Variants in ANLN observed in about 807,000 individuals in gnomAD.
ANLN encodes the protein anillin.
Under a neutral mutation model 135.1 loss-of-function variants are expected in ANLN, and 59 were observed. The ratio of observed to expected loss-of-function variants is 0.44; its 90% CI spans 0.35 to 0.54. ANLN has a LOEUF of 0.54. ANLN is among the 20% of genes least tolerant of loss of function. The pLI is 0.00. For missense variants in ANLN, 1,182 were observed against 1,340.0 expected (o/e 0.88, Z 1.84); for synonymous variants, 406 against 456.4 (o/e 0.89, Z 1.41).
chr7:36,419,198 C>T lies in ANLN; in HGVS notation c.1634-46C>T, dbSNP rs368535526. The T allele has an allele frequency of 7.9e-6, 11 of 1,391,576 alleles. 1 individual carries two copies. Among genetic ancestry groups the T allele is most frequent in the Admixed American group, 1.8e-5 (1 of 55,716 alleles). 86.2% of individuals were successfully genotyped at this position (1,391,576 alleles called of 1,614,324 possible). Reference sequence around the variant, plus strand: ...AATTTTCTTTGTTATGCCTTTAATTCTTAAATATCTGAGTCACAGTGTCCA... The same window carrying T: ...AATTTTCTTTGTTATGCCTTTAATTTTTAAATATCTGAGTCACAGTGTCCA... On this transcript the variant is annotated intron_variant, in intron 9 of 23. Transcript: ENST00000265748.
rs1029053821 is a variant in ANLN, at chr7:36,410,704, G to A, written c.1287G>A (p.Gln429=). The A allele has an allele frequency of 6.2e-7, 1 of 1,612,676 alleles. No individual in the cohort carries two copies. The highest frequency in any genetic ancestry group is 1.7e-5 in the Admixed American group (1 of 59,842). ...CCCATTTAGCACAACAGCTCAAGCA[G>A]GTATGGTGTACTGCATTTAACATTA... is the stretch of plus-strand genomic sequence containing the variant. ...STTHLAQQLK[Q]ERQKELACLR... is the part of the protein sequence containing the mutation. Residue 429 remains glutamine (Q), a splice_region_variant and synonymous_variant, in exon 6 of 24, where the codon CAG becomes CAA. Coordinates refer to ENST00000265748, the MANE Select transcript of ANLN (RefSeq NM_018685.5).
At position 36,422,708 on chromosome 7, in the gene ANLN, G is replaced by A. The variant is rs561388525; in HGVS notation, c.2375G>A (p.Ser792Asn). Reference protein sequence around the residue: ...NEGPQRKNKASPQSEFMPSKG... With the variant: ...NEGPQRKNKANPQSEFMPSKG... The stretch of plus-strand genomic sequence containing the variant: ...GGACCTCAGAGGAAGAATAAGGCTA[G>A]TCCCCAAAGTGAATTTATGCCATCC... Residue 792 changes from serine to asparagine, a missense_variant, in exon 14 of 24, where the codon AGT becomes AAT. Ser to Asn is a conservative substitution (Grantham distance 46). Coordinates refer to ENST00000265748, the MANE Select transcript of ANLN (RefSeq NM_018685.5). 6 of 1,612,992 alleles carry A rather than the reference G, an allele frequency of 3.7e-6. No individual in the cohort carries two copies. The East Asian group carries it at 8.9e-5, about 24-fold the overall frequency.
At chr7:36,424,213 A>G (rs1016513320) in intron 15 of ANLN, among the ~76,000 whole-genome samples, 2 of 152,160 alleles carry the variant, frequency 1.3e-5, no homozygotes, top group Admixed American at 1.3e-4. Flanking sequence ...GATTTTTAAC[A>G]TATGCCTTAA....
chr7:36,431,592 TGTGTGTATATATATATATATATATA>T (rs1170952550), intron 20 of ANLN, among the ~76,000 whole-genome samples: 22 of 17,984 alleles, frequency 1.2e-3, no homozygotes, highest in African/African-American at 2.1e-3. Context: ...TGTGTGTGTG[TGTGTGTATATATATATATATATATA>T]ATATATATAT....
chr7:36,403,416 A>T (rs909147033), intron 3 of ANLN: 6 of 152,262 alleles, frequency 3.9e-5, no homozygotes, highest in African/African-American at 1.4e-4. Context: ...ACTGTGAAGG[A>T]TAAGCCAGGA....
intron 19 of ANLN, among the ~76,000 whole-genome samples, chr7:36,426,291 TCTTTA>T (rs1364160954): frequency 6.6e-6 from 1 of 152,162 alleles, no homozygotes; most frequent in Non-Finnish European, 1.5e-5. Flanking sequence ...GTGGCATTAC[TCTTTA>T]CTTCAACTTC....
intron 20 of ANLN, among the ~76,000 whole-genome samples, chr7:36,433,313 T>G (rs1194188472): frequency 2.0e-5 from 3 of 152,196 alleles, no homozygotes; most frequent in African/African-American, 4.8e-5. Flanking sequence ...TCCAGAAATA[T>G]TTTTATATTG....
intron 12 of ANLN, among the ~76,000 whole-genome samples, chr7:36,421,161 G>A (rs1787860444): frequency 6.6e-6 from 1 of 151,538 alleles, no homozygotes; most frequent in South Asian, 2.1e-4. Flanking sequence ...TCTGCCTCCC[G>A]GGTTCAAGCA....
Position 36,406,336 on chromosome 7 carries a change from G to T in ANLN, c.643G>T (p.Asp215Tyr), listed in dbSNP as rs528529344. 1 of 1,614,194 alleles carries T rather than the reference G, an allele frequency of 6.2e-7. No individual in the cohort carries two copies. Among genetic ancestry groups the T allele is most frequent in the Admixed American group, 1.7e-5 (1 of 60,014 alleles). Reference sequence around the variant, plus strand: ...TGCAACTATTTGCTCCTGGGAAGATGATGTAAATCACTCATTTGCAAAACA... The same window carrying T: ...TGCAACTATTTGCTCCTGGGAAGATTATGTAAATCACTCATTTGCAAAACA... Reference protein sequence around the residue: ...LAATICSWEDDVNHSFAKQNS... With the variant: ...LAATICSWEDYVNHSFAKQNS... The change falls in exon 4 of 24, where the codon GAT (aspartate) becomes TAT (tyrosine). Residue 215 changes from aspartate to tyrosine, a missense_variant. Asp to Tyr is a radical substitution (Grantham distance 160, BLOSUM62 -3). This residue lies in a region of ANLN where 1,022 missense variants were observed against 1,134.0 expected (regional missense o/e 0.90). Transcript: ENST00000265748.
chr7:36,440,430 A>T (rs1441859084), intron 21 of ANLN, among the ~76,000 whole-genome samples: 1 of 152,210 alleles, frequency 6.6e-6, no homozygotes, highest in Non-Finnish European at 1.5e-5. Context: ...GCTAGACTGC[A>T]AATGGGTCCA....
In ANLN at chr7:36,426,946, T is replaced by A. The variant is rs771623621; in HGVS notation, c.2801T>A (p.Val934Glu). The A allele has an allele frequency of 6.2e-7, 1 of 1,612,636 alleles. No homozygotes were observed. The highest frequency in any genetic ancestry group is 8.5e-7 in the Non-Finnish European group (1 of 1,179,446). The change falls in exon 20 of 24, where the codon GTG becomes GAG. Residue 934 changes from valine (V) to glutamate (E), a missense_variant. By Grantham distance (121) the Val-to-Glu change is moderately radical. Transcript: ENST00000265748. ...VMASPGGLSA[V>E]RTSNFALVGS... ...GCCAGTCCAGGAGGTCTTAGTGCTG[T>A]GCGAACCAGCAACTTCGCCCTTGTT...
intron 5 of ANLN, among the ~76,000 whole-genome samples, chr7:36,410,207 A>G (rs1787352682): frequency 6.6e-6 from 1 of 152,138 alleles, no homozygotes; most frequent in Non-Finnish European, 1.5e-5. Flanking sequence ...ATTTCTAATT[A>G]TTTAAATTCT....
chr7:36,449,788 G>T lies in ANLN; in HGVS notation c.3202G>T (p.Asp1068Tyr). 6.2e-7 allele frequency: 1 copy of T among 1,614,036 alleles called. No individual in the cohort carries two copies. The highest frequency in any genetic ancestry group is 1.1e-5 in the South Asian group (1 of 91,050). The change falls in exon 23 of 24, where the codon GAC becomes TAC. Residue 1068 changes from aspartate (D) to tyrosine (Y), a missense_variant. Physicochemically the swap from Asp to Tyr is radical, Grantham distance 160. Transcript: ENST00000265748. Reference sequence around the variant, plus strand: ...TACTGTCCGACCACAAAGAGAAGATGACCGAGAGACTCTTGTCAGCCAATG... The same window carrying T: ...TACTGTCCGACCACAAAGAGAAGATTACCGAGAGACTCTTGTCAGCCAATG... ...LITVRPQRED[D>Y]RETLVSQCRD...
chr7:36,434,278 C>T (rs1451109130), intron 20 of ANLN, among the ~76,000 whole-genome samples: 1 of 152,178 alleles, frequency 6.6e-6, no homozygotes, highest in African/African-American at 2.4e-5. Flanking sequence ...CACTTTTGAG[C>T]AGAACTTTGA....
At chr7:36,406,055 AG>A in intron 3 of ANLN, 125 bp from the exon 4 acceptor site, 4 of 781,646 alleles carry the variant, frequency 5.1e-6, no homozygotes, top group Non-Finnish European at 7.4e-6. Flanking sequence ...CATGCATGCT[AG>A]AACTTTTCAC....
At chr7:36,413,268 C>A (rs934772632) in intron 7 of ANLN, among the ~76,000 whole-genome samples, 1 of 152,214 alleles carries the variant, frequency 6.6e-6, no homozygotes, top group Non-Finnish European at 1.5e-5. Flanking sequence ...GTTATTCCTA[C>A]TTGCTGCTTT....
intron 13 of ANLN, among the ~76,000 whole-genome samples, chr7:36,422,381 T>C (rs772225937): frequency 6.6e-6 from 1 of 152,116 alleles, no homozygotes; most frequent in African/African-American, 2.4e-5. Flanking sequence ...GTGGTGATGA[T>C]GGGGCATTTT....
intron 21 of ANLN, among the ~76,000 whole-genome samples, chr7:36,441,596 C>T (rs1042811012): frequency 7.2e-5 from 11 of 152,168 alleles, no homozygotes; most frequent in Non-Finnish European, 1.5e-4. Context: ...AAGAGGCAGG[C>T]GCTCTGGATT....
At chr7:36,435,790 G>A (rs372533675) in intron 20 of ANLN, among the ~76,000 whole-genome samples, 3 of 143,798 alleles carry the variant, frequency 2.1e-5, no homozygotes, top group South Asian at 2.2e-4. Flanking sequence ...GGAGAATGGC[G>A]TGAACCTGGG....
Sources: allele counts gnomAD v4.1 joint callset (sites outside exome capture counted in the v4.1 genomes callset), GRCh38; gene constraint gnomAD v4.1.1; regional missense constraint gnomAD v4.1.1; transcripts MANE v1.5; gene names NCBI Gene and HGNC (gene_info 2026-07-23, HGNC 2026-07-21).